Variants in DUX4 observed in about 807,000 individuals in gnomAD.
DUX4 encodes the protein double homeobox protein 4.
At chr4:190,180,006 A>G (rs1742524024), downstream of DUX4, among the ~76,000 whole-genome samples, 6 of 137,158 alleles carry the variant, frequency 4.4e-5, no homozygotes, top group East Asian at 2.1e-4. Context: ...GGCAGAGCTT[A>G]AACTAGAGTT....
At chr4:190,178,356 C>CTGTAGGTAGAG (rs1742419940), downstream of DUX4, among the ~76,000 whole-genome samples, 1 of 150,778 alleles carries the variant, frequency 6.6e-6, no homozygotes, top group Non-Finnish European at 1.5e-5. Flanking sequence ...TCACAATGTC[C>CTGTAGGTAGAG]CCTGTAGGCA....
intron 1 of DUX4, chr4:190,183,128 G>A (rs1742622202): frequency 3.6e-5 from 2 of 55,944 alleles, no homozygotes; most frequent in South Asian, 2.4e-3. Context: ...TAGGGTTAAG[G>A]TTAGGGTTAG....
downstream of DUX4, among the ~76,000 whole-genome samples, chr4:190,177,917 T>C (rs1742395152): frequency 0.012 from 1,368 of 117,072 alleles, no homozygotes; most frequent in South Asian, 0.029. Context: ...ACCTGGGTGA[T>C]CAGTGTGGAG....
At chr4:190,179,578 A>T (rs1742504445), downstream of DUX4, among the ~76,000 whole-genome samples, 2 of 151,176 alleles carry the variant, frequency 1.3e-5, no homozygotes, top group East Asian at 1.9e-4. Context: ...ATATGTCACA[A>T]TGCTGTGTAG....
downstream of DUX4, among the ~76,000 whole-genome samples, chr4:190,176,878 G>T (rs1359140957): frequency 2.6e-3 from 141 of 53,278 alleles, no homozygotes; most frequent in Middle Eastern, 9.8e-3. Flanking sequence ...ACAAGGTTTA[G>T]ATCACCTAGG....
chr4:190,179,134 A>ACC (rs1742479603), downstream of DUX4, among the ~76,000 whole-genome samples: 1 of 149,602 alleles, frequency 6.7e-6, no homozygotes. Context: ...CAAGAGTTAT[A>ACC]TGACCTAGGT....
At chr4:190,178,234 T>C (rs1742412132), downstream of DUX4, among the ~76,000 whole-genome samples, 26 of 150,734 alleles carry the variant, frequency 1.7e-4, no homozygotes, top group African/African-American at 3.2e-4. Context: ...AGGCAGAGCA[T>C]AGAGAAGAGT....
chr4:190,183,082 G>A (rs1227862645), intron 1 of DUX4, among the ~76,000 whole-genome samples: 1 of 39,232 alleles, frequency 2.5e-5, no homozygotes, highest in African/African-American at 4.5e-5. Flanking sequence ...GTTAGGGTTA[G>A]GGTTATGGGT....
downstream of DUX4, among the ~76,000 whole-genome samples, chr4:190,179,062 T>TTA (rs1742475484): frequency 1.1e-4 from 16 of 147,320 alleles, no homozygotes; most frequent in African/African-American, 3.2e-4. Flanking sequence ...TAGAAAAGAG[T>TTA]CCCATTACTT....
At chr4:190,179,546 C>G (rs1742502880), downstream of DUX4, among the ~76,000 whole-genome samples, 12 of 140,800 alleles carry the variant, frequency 8.5e-5, no homozygotes, top group Admixed American at 1.4e-4. Context: ...AGAGTTATAT[C>G]ACCTGGGTGA....
At position 190,175,171 on chromosome 4, in the gene DUX4, G is replaced by A. The variant is rs1246090221; in HGVS notation, c.*123G>A. The stretch of plus-strand genomic sequence containing the variant: ...CCCGCCCCCTCCACCGGGCTGACCG[G>A]CCTGGGATTCCTGCCTTCTAGGTCT... On this transcript the variant is annotated 3_prime_UTR_variant, in exon 1 of 2. Coordinates refer to ENST00000565211, the MANE Select transcript of DUX4 (RefSeq NM_001306068.3). 3.7e-4 allele frequency: 56 copies of A among 152,478 alleles called. No individual in the cohort carries two copies. Among genetic ancestry groups the A allele is most frequent in the African/African-American group, 1.7e-3 (51 of 30,852 alleles). 9.4% of individuals were successfully genotyped at this position (152,478 alleles called of 1,614,324 possible). A position where few individuals can be genotyped will look rare whatever the true frequency, so the allele number is the denominator to read the frequency against.
intron 1 of DUX4, among the ~76,000 whole-genome samples, chr4:190,183,680 G>A (rs1406283628): frequency 2.7e-5 from 3 of 111,864 alleles, no homozygotes; most frequent in South Asian, 6.5e-4. Flanking sequence ...AACATCCTAC[G>A]TTCCAAAAGC....
downstream of DUX4, among the ~76,000 whole-genome samples, chr4:190,178,882 C>CCG (rs1742459448): frequency 7.0e-6 from 1 of 143,706 alleles, no homozygotes; most frequent in Non-Finnish European, 1.5e-5. Flanking sequence ...GTGATCAGTG[C>CCG]AGATCTATGT....
At chr4:190,179,009 G>T (rs2126576373), downstream of DUX4, among the ~76,000 whole-genome samples, 1 of 145,024 alleles carries the variant, frequency 6.9e-6, no homozygotes, top group Non-Finnish European at 1.5e-5. Flanking sequence ...TCACCTGGAT[G>T]ATTAGTGCAG....
chr4:190,178,571 C>T (rs1742434039), downstream of DUX4, among the ~76,000 whole-genome samples: 5 of 1,046 alleles, frequency 4.8e-3, no homozygotes, highest in Admixed American at 0.043. Flanking sequence ...CCCCTGTAGG[C>T]AGAGGGTAGA....
downstream of DUX4, among the ~76,000 whole-genome samples, chr4:190,176,357 A>T (rs1742304820): frequency 8.7e-6 from 1 of 114,702 alleles, no homozygotes; most frequent in Admixed American, 1.1e-4. Context: ...CAGTGCAGAG[A>T]TGTGTCAAAA....
At chr4:190,178,203 A>T (rs1299215230), downstream of DUX4, among the ~76,000 whole-genome samples, 9 of 7,186 alleles carry the variant, frequency 1.3e-3, no homozygotes, top group South Asian at 4.8e-3. Context: ...CAGTGCAGAG[A>T]TATGTCACAA....
chr4:190,179,599 G>C (rs2126578752), downstream of DUX4, among the ~76,000 whole-genome samples: 891 of 122,352 alleles, frequency 7.3e-3, no homozygotes, highest in East Asian at 0.015. Context: ...CCAGAGCCTA[G>C]ACAAAAGTTA....
chr4:190,179,528 C>T (rs1579835609), downstream of DUX4, among the ~76,000 whole-genome samples: 6 of 137,144 alleles, frequency 4.4e-5, no homozygotes, highest in Admixed American at 7.1e-5. Context: ...GTAGGCAGAG[C>T]CTAGACAAGA....
Sources: gnomAD v4.1 joint callset for allele counts (sites outside exome capture counted in the v4.1 genomes callset) on GRCh38, gnomAD v4.1.1 for gene constraint, MANE v1.5 for transcripts, NCBI Gene and HGNC (gene_info 2026-07-23, HGNC 2026-07-21) for gene names.